The following DRC9 variants were observed in gnomAD, a reference collection of about 807,000 sequenced individuals.
The protein encoded by DRC9 is dynein regulatory complex subunit 9.
the DRC9 span, among the ~76,000 whole-genome samples, chr3:197,901,821 G>C: frequency 1.3e-5 from 2 of 152,214 alleles, no homozygotes; most frequent in East Asian, 3.8e-4. The surrounding 1 kb of genome is among the most constrained non-coding windows in gnomAD (Gnocchi z 4.4). Flanking sequence ...CTGAAGGGAA[G>C]GATACAAGCC....
the DRC9 span, among the ~76,000 whole-genome samples, chr3:197,944,414 A>C: frequency 7.7e-4 from 116 of 151,358 alleles, 1 homozygote; most frequent in Admixed American, 6.2e-3. Flanking sequence ...ATGTGCTACC[A>C]CACCTGGCTA....
the DRC9 span, among the ~76,000 whole-genome samples, chr3:197,946,443 A>G: frequency 1.3e-5 from 2 of 151,754 alleles, no homozygotes; most frequent in Non-Finnish European, 2.9e-5. Context: ...TCAAAAAAAA[A>G]AAAAAAAAAA....
the DRC9 span, among the ~76,000 whole-genome samples, chr3:197,944,999 CATG>C: frequency 6.6e-6 from 1 of 152,286 alleles, no homozygotes; most frequent in East Asian, 1.9e-4. Flanking sequence ...AAAAGTGTCT[CATG>C]ATGAGTGAAA....
the DRC9 span, among the ~76,000 whole-genome samples, chr3:197,937,605 A>T: frequency 6.6e-6 from 1 of 151,794 alleles, no homozygotes; most frequent in African/African-American, 2.4e-5. Context: ...GCTGGTGCCG[A>T]GGCACCTGAG....
the DRC9 span, among the ~76,000 whole-genome samples, chr3:197,898,972 T>C: frequency 6.6e-6 from 1 of 152,180 alleles, no homozygotes; most frequent in Non-Finnish European, 1.5e-5. Flanking sequence ...ATTTCATTAC[T>C]ACAGAAATAA....
chr3:197,941,880 C>T, the DRC9 span, among the ~76,000 whole-genome samples: 6 of 152,062 alleles, frequency 3.9e-5, no homozygotes, highest in Admixed American at 3.9e-4. Flanking sequence ...GAAGAATACA[C>T]CAGTCTCTTC....
the DRC9 span, among the ~76,000 whole-genome samples, chr3:197,915,506 G>A: frequency 4.6e-5 from 7 of 152,154 alleles, no homozygotes; most frequent in Admixed American, 1.3e-4. Context: ...CTGTTTGGGC[G>A]GAATCAGTGT....
chr3:197,942,920 T>C, the DRC9 span, among the ~76,000 whole-genome samples: 1 of 151,810 alleles, frequency 6.6e-6, no homozygotes, highest in Non-Finnish European at 1.5e-5. Flanking sequence ...AAGTATCTTC[T>C]GAACAAGTTA....
the DRC9 span, chr3:197,944,117 C>T: frequency 6.9e-7 from 1 of 1,441,274 alleles, no homozygotes; most frequent in Non-Finnish European, 9.5e-7. Context: ...AACTCAAAAG[C>T]ACAGGCAGCA....
the DRC9 span, chr3:197,906,464 G>A: frequency 1.4e-5 from 2 of 148,010 alleles, no homozygotes; most frequent in African/African-American, 2.5e-5. Flanking sequence ...AATTGAGTAC[G>A]CATCCAGATT....
the DRC9 span, chr3:197,891,527 G>T: frequency 3.1e-6 from 5 of 1,593,530 alleles, no homozygotes; most frequent in South Asian, 2.2e-5. Flanking sequence ...CTTCAATGAT[G>T]ACCTGTTCAT....
the DRC9 span, chr3:197,953,634 A>G: frequency 2.2e-6 from 1 of 455,082 alleles, no homozygotes; most frequent in Non-Finnish European, 4.4e-6. Flanking sequence ...CCTCAGTGAG[A>G]CCTTCCTTGG....
chr3:197,909,153 A>C, the DRC9 span, among the ~76,000 whole-genome samples: 1 of 152,184 alleles, frequency 6.6e-6, no homozygotes, highest in East Asian at 1.9e-4. Context: ...CATATCAGTA[A>C]CTTGGCATGA....
the DRC9 span, chr3:197,912,842 G>T: frequency 1.0e-6 from 1 of 1,001,928 alleles, no homozygotes; most frequent in Non-Finnish European, 1.6e-6. Context: ...CGGTAGCTGA[G>T]GCTCCCTTTA....
chr3:197,952,836 C>CA, the DRC9 span, among the ~76,000 whole-genome samples: 1 of 144,226 alleles, frequency 6.9e-6, no homozygotes, highest in Non-Finnish European at 1.5e-5. Context: ...ATGCTGTAGA[C>CA]TTTTTTTTTT....
At chr3:197,954,184 A>G in the DRC9 span, 9 of 1,611,160 alleles carry the variant, frequency 5.6e-6, no homozygotes, top group Non-Finnish European at 7.6e-6. Flanking sequence ...CGTCTGATGA[A>G]TCAGACTAGG....
the DRC9 span, among the ~76,000 whole-genome samples, chr3:197,931,448 C>G: frequency 6.6e-6 from 1 of 151,794 alleles, no homozygotes; most frequent in East Asian, 2.0e-4. Flanking sequence ...TGCCACTGTA[C>G]TGCAACCTGG....
At chr3:197,904,792 A>T in the DRC9 span, among the ~76,000 whole-genome samples, 1 of 152,144 alleles carries the variant, frequency 6.6e-6, no homozygotes, top group Non-Finnish European at 1.5e-5. Flanking sequence ...CCTGGGAGGC[A>T]GAGATTGCAG....
the DRC9 span, among the ~76,000 whole-genome samples, chr3:197,929,001 G>T: frequency 6.6e-6 from 1 of 152,170 alleles, no homozygotes; most frequent in Non-Finnish European, 1.5e-5. This position sits in a 1 kb window ranked among gnomAD's most constrained non-coding sequence, Gnocchi z 4.6. Flanking sequence ...CCTGTGGCCA[G>T]GCAGCTGCCT....
Sources: gnomAD v4.1 joint callset for allele counts (sites outside exome capture counted in the v4.1 genomes callset) on GRCh38, gnomAD v4.1.1 for gene constraint, Gnocchi (gnomAD v3.1) non-coding constraint, MANE v1.5 for transcripts, NCBI Gene and HGNC (gene_info 2026-07-23, HGNC 2026-07-21) for gene names.